TEF: variants seen among roughly 807,000 people sequenced by gnomAD.
TEF encodes thyrotroph embryonic factor.
Under a neutral mutation model 20.8 loss-of-function variants are expected in TEF, and 3 were observed. The ratio of observed to expected loss-of-function variants is 0.14; its 90% CI spans 0.07 to 0.37. The LOEUF (loss-of-function observed/expected upper bound fraction) is 0.37, where lower values mean the gene tolerates loss of function less well. Ranked by LOEUF, TEF falls within the 10% of genes least tolerant of loss-of-function variation. The probability of loss-of-function intolerance (pLI) is 1.00; values close to 1 mark genes in which losing one functional copy is unlikely to be tolerated. For missense variants in TEF, 296 were observed against 397.9 expected, an observed-to-expected ratio of 0.74 and a Z score of 2.18; for synonymous variants, 180 against 171.1, an observed-to-expected ratio of 1.05 and a Z score of -0.41.
At chr22:41,374,662 G>C (rs185295903) in intron 1 of TEF, among the ~76,000 whole-genome samples, 1 of 151,416 alleles carries the variant, frequency 6.6e-6, no homozygotes, top group African/African-American at 2.4e-5. Flanking sequence ...GCTGCAGTGA[G>C]CTATGACAGC....
Position 41,369,879 on chromosome 22 carries a change from TG to T in TEF, c.67+2282del, listed in dbSNP as rs1285459736. 1.3e-5 allele frequency: 13 copies of T among 985,178 alleles called. No individual in the cohort carries two copies. The Admixed American group carries it at 3.7e-4, about 28-fold the overall frequency. 61.0% of individuals were successfully genotyped at this position (985,178 alleles called of 1,614,324 possible). ...TGGACTTCCTGCTGCTCCCGTCCAG[TG>T]GAAGGGGGCAGTTATCTCTTTGGAT... On this transcript the variant is annotated intron_variant, in intron 1 of 3. Transcript: ENST00000406644.
At chr22:41,378,946 C>G (rs890893978), upstream of TEF, among the ~76,000 whole-genome samples, 1 of 152,220 alleles carries the variant, frequency 6.6e-6, no homozygotes, top group African/African-American at 2.4e-5. Context: ...CCACACTAAC[C>G]TCTGGGATAA....
At chr22:41,375,927 G>A (rs1293766643) in intron 1 of TEF, among the ~76,000 whole-genome samples, 3 of 151,968 alleles carry the variant, frequency 2.0e-5, no homozygotes, top group South Asian at 2.1e-4. Context: ...TTTGATTTGC[G>A]CAAAAGACAC....
rs1036052737 is a variant in TEF, at chr22:41,397,077, C to T, written c.*1117C>T. On this transcript the variant is annotated 3_prime_UTR_variant, in exon 4 of 4. Coordinates refer to ENST00000266304, the MANE Select transcript of TEF (RefSeq NM_003216.4). Reference sequence around the variant, plus strand: ...GCAATTCTTGCTTCAGGATCTCTCCCATGCGAGCTGCCCGGAGGGTGTCAG... The same window carrying T: ...GCAATTCTTGCTTCAGGATCTCTCCTATGCGAGCTGCCCGGAGGGTGTCAG... The T allele has an allele frequency of 2.5e-5, 10 of 398,692 alleles. No individual in the cohort carries two copies. The highest frequency in any genetic ancestry group is 1.9e-4 in the African/African-American group (9 of 48,608). 24.7% of individuals were successfully genotyped at this position (398,692 alleles called of 1,614,324 possible). A position where few individuals can be genotyped will look rare whatever the true frequency, so the allele number is the denominator to read the frequency against.
intron 1 of TEF, chr22:41,369,768 C>A: frequency 3.2e-6 from 1 of 313,622 alleles, no homozygotes; most frequent in Non-Finnish European, 4.6e-6. Context: ...ACTGCTCTGA[C>A]TCTGGGTGTG....
chr22:41,391,674 G>A (rs899002194), intron 2 of TEF, among the ~76,000 whole-genome samples: 1 of 151,190 alleles, frequency 6.6e-6, no homozygotes, highest in Non-Finnish European at 1.5e-5. Context: ...CCAGGCTGGA[G>A]TGCAGTGGCA....
In TEF at chr22:41,396,415, G is replaced by A. The variant is rs756541840; in HGVS notation, c.*455G>A. 83 of 170,278 alleles carry A rather than the reference G, an allele frequency of 4.9e-4. 1 individual carries two copies. Among genetic ancestry groups the A allele is most frequent in the Non-Finnish European group, 6.1e-4 (48 of 79,022 alleles). The allele number at this position is 170,278 out of a possible 1,614,324, so 10.5% of individuals were successfully genotyped here. ...TTTCCACTTAAGGTGTGTCTGTCAC[G>A]CACCTCATTCTCCCCAGACAGTCTT... is the stretch of plus-strand genomic sequence containing the variant. On this transcript the variant is annotated 3_prime_UTR_variant, in exon 4 of 4. Coordinates refer to ENST00000266304, the MANE Select transcript of TEF (RefSeq NM_003216.4).
chr22:41,379,526 A>C (rs897229539), upstream of TEF, among the ~76,000 whole-genome samples: 3 of 150,990 alleles, frequency 2.0e-5, no homozygotes, highest in African/African-American at 7.3e-5. Flanking sequence ...AAAACAAAAA[A>C]CAAAAACACC....
chr22:41,381,859 GC>G, upstream of TEF: 1 of 1,219,214 alleles, frequency 8.2e-7, no homozygotes, highest in Non-Finnish European at 1.0e-6. Flanking sequence ...AGCTGGCCTG[GC>G]CTCATGAATA....
intron 1 of TEF, among the ~76,000 whole-genome samples, chr22:41,373,548 C>T (rs1418151740): frequency 1.3e-5 from 2 of 151,978 alleles, no homozygotes; most frequent in African/African-American, 4.8e-5. Flanking sequence ...AGGCTCATTG[C>T]AACCTCCGCC....
At chr22:41,375,594 C>A (rs1166351961) in intron 1 of TEF, among the ~76,000 whole-genome samples, 1 of 151,616 alleles carries the variant, frequency 6.6e-6, no homozygotes, top group African/African-American at 2.4e-5. Context: ...ACTATAAATA[C>A]AAAAAAATTA....
At position 41,396,927 on chromosome 22, in the gene TEF, C is replaced by T. The variant is rs905663649; in HGVS notation, c.*967C>T. 2 of 398,692 alleles carry T rather than the reference C, an allele frequency of 5.0e-6. No individual in the cohort carries two copies. The highest frequency in any genetic ancestry group is 8.8e-6 in the Non-Finnish European group (2 of 226,130). 24.7% of individuals were successfully genotyped at this position (398,692 alleles called of 1,614,324 possible). On this transcript the variant is annotated 3_prime_UTR_variant, in exon 4 of 4. Transcript: ENST00000266304. Reference sequence around the variant, plus strand: ...TAGTGGTGTTTAGAAAATGCCTCCACAGCCCCCTTCCACCATGGGCATGAG... The same window carrying T: ...TAGTGGTGTTTAGAAAATGCCTCCATAGCCCCCTTCCACCATGGGCATGAG...
intron 1 of TEF, among the ~76,000 whole-genome samples, chr22:41,370,412 A>ATTT (rs35657809): frequency 2.8e-5 from 3 of 108,602 alleles, no homozygotes; most frequent in African/African-American, 7.0e-5. Context: ...TGCGCCTGGC[A>ATTT]TTTTTTTTTT....
chr22:41,391,733 C>T (rs1349879637), intron 2 of TEF, among the ~76,000 whole-genome samples: 1 of 152,060 alleles, frequency 6.6e-6, no homozygotes, highest in Non-Finnish European at 1.5e-5. Context: ...AGCAATTCTC[C>T]TGCCTCAGTC....
chr22:41,388,592 A>G (rs1167384009), intron 2 of TEF, among the ~76,000 whole-genome samples: 1 of 149,600 alleles, frequency 6.7e-6, no homozygotes, highest in African/African-American at 2.4e-5. Flanking sequence ...AAAAAAAAAA[A>G]AAGAAAGCAT....
upstream of TEF, among the ~76,000 whole-genome samples, chr22:41,378,116 TCTC>T (rs1569252825): frequency 6.6e-6 from 1 of 151,560 alleles, no homozygotes; most frequent in African/African-American, 2.4e-5. Flanking sequence ...AGCCATCAAG[TCTC>T]CTCATGGCCA....
chr22:41,395,611 T>A, intron 3 of TEF, 134 bp from the exon 4 acceptor site: 1 of 858,454 alleles, frequency 1.2e-6, no homozygotes, highest in Non-Finnish European at 1.8e-6. Context: ...TGGTTTGTGC[T>A]GCTCCCTCCC....
chr22:41,378,162 TTCC>T (rs1281864651), upstream of TEF, among the ~76,000 whole-genome samples: 274 of 104,876 alleles, frequency 2.6e-3, 2 homozygotes, highest in African/African-American at 8.5e-3. Context: ...CTTCCTTAGC[TTCC>T]TTTTTTTTTT....
At chr22:41,386,841 C>T (rs960526689) in intron 1 of TEF, among the ~76,000 whole-genome samples, 5 of 151,780 alleles carry the variant, frequency 3.3e-5, no homozygotes, top group African/African-American at 7.3e-5. Context: ...CTCAGGAGTT[C>T]GAGACCAGCC....
Sources: gnomAD v4.1 joint callset for allele counts (sites outside exome capture counted in the v4.1 genomes callset) on GRCh38, gnomAD v4.1.1 for gene constraint, MANE v1.5 for transcripts, NCBI Gene and HGNC (gene_info 2026-07-23, HGNC 2026-07-21) for gene names.